Variants in GHITM observed in about 807,000 individuals in gnomAD.
The protein encoded by GHITM is growth hormone inducible transmembrane protein.
GHITM carries 24 observed loss-of-function variants against 38.7 expected under a neutral mutation model. The observed-to-expected ratio is 0.62, with a 90% CI of 0.45 to 0.87. The LOEUF is 0.87. Among genes scored for constraint, GHITM ranks in the 40% least tolerant of loss-of-function variants. The pLI is 0.00. For synonymous variants in GHITM, 154 were observed against 147.8 expected (o/e 1.04, Z -0.30); for missense variants, 420 against 429.8 (o/e 0.98, Z 0.20).
At chr10:84,150,906 T>C (rs777286905) in intron 8 of GHITM, 26 bp downstream of exon 8, 1 of 1,480,794 alleles carries the variant, frequency 6.8e-7, no homozygotes, top group Non-Finnish European at 9.4e-7. Context: ...TATTTAACAC[T>C]GTTACTCTGT....
chr10:84,142,780 C>G (rs1012099930), intron 3 of GHITM, 26 bp downstream of exon 3: 2 of 1,240,972 alleles, frequency 1.6e-6, no homozygotes, highest in Non-Finnish European at 2.4e-6. Flanking sequence ...TAGTTTTTAA[C>G]CTAGAATCTA....
intron 7 of GHITM, among the ~76,000 whole-genome samples, chr10:84,150,452 T>C (rs1312791786): frequency 6.6e-6 from 1 of 152,210 alleles, no homozygotes; most frequent in Non-Finnish European, 1.5e-5. Context: ...ACATCTAAAA[T>C]GGGAAAGTTG....
Position 84,144,948 on chromosome 10 carries a change from G to A in GHITM, c.415G>A (p.Ala139Thr). 1 of 1,611,928 alleles carries A rather than the reference G, an allele frequency of 6.2e-7. No individual in the cohort carries two copies. The highest frequency in any genetic ancestry group is 8.5e-7 in the Non-Finnish European group (1 of 1,178,324). Residue 139 changes from alanine to threonine, a missense_variant, in exon 5 of 9, where the codon GCT becomes ACT. Transcript: ENST00000372134. ...CTTAGCAGGGAGTATTGGTTTAACA[G>A]CTTTGTCTGCCATAGCAATCAGCAG... ...MYLAGSIGLT[A>T]LSAIAISRTP...
At position 84,141,496 on chromosome 10, in the gene GHITM, C is replaced by A. The variant is rs941478832; in HGVS notation, c.-5C>A. The A allele has an allele frequency of 2.5e-6, 4 of 1,613,472 alleles. No individual in the cohort carries two copies. In the Admixed American group the frequency reaches 5.0e-5, roughly 20 times the overall value. On this transcript the variant is annotated 5_prime_UTR_variant, in exon 2 of 9. Transcript: ENST00000372134. ...TCTGCTCGGTAGACCTGGTGCACCA[C>A]CACCATGTTGGCTGCAAGGCTGGTG...
rs758845361 is a variant in GHITM, at chr10:84,150,704, T to C, written c.782-5T>C. 6.4e-7 allele frequency: 1 copy of C among 1,568,354 alleles called. No individual in the cohort carries two copies. The highest frequency in any genetic ancestry group is 8.6e-7 in the Non-Finnish European group (1 of 1,156,214). ...AAAAATCTTGTTTTCGCATTTTGAT[T>C]TCAGGATCTATGTTTCTTCCACCTA... On this transcript the variant is annotated splice_polypyrimidine_tract_variant and splice_region_variant and intron_variant, in intron 7 of 8. Transcript: ENST00000372134.
chr10:84,148,899 T>C, intron 6 of GHITM, 61 bp downstream of exon 6: 1 of 936,160 alleles, frequency 1.1e-6, no homozygotes, highest in Non-Finnish European at 1.8e-6. Context: ...TGGGTGGCTC[T>C]TCACAGTTGT....
chr10:84,152,707 AT>A lies in GHITM; in HGVS notation c.*366del. The stretch of plus-strand genomic sequence containing the variant: ...AAATTTAGCAAACCTGTGTTTGCAT[AT>A]TTTTTTGGAGTGCAGAATATTGTAA... On this transcript the variant is annotated 3_prime_UTR_variant, in exon 9 of 9. Coordinates refer to ENST00000372134, the MANE Select transcript of GHITM (RefSeq NM_014394.3). 1 of 178,298 alleles carries A rather than the reference AT, an allele frequency of 5.6e-6. No individual in the cohort carries two copies. The highest frequency in any genetic ancestry group is 1.2e-5 in the Non-Finnish European group (1 of 85,026). The allele number at this position is 178,298 out of a possible 1,614,324, so 11.0% of individuals were successfully genotyped here.
At position 84,142,643 on chromosome 10, in the gene GHITM, C is replaced by T. The variant is rs759416134; in HGVS notation, c.130-12C>T. 6.3e-7 allele frequency: 1 copy of T among 1,579,918 alleles called. No homozygotes were observed. The highest frequency in any genetic ancestry group is 8.7e-7 in the Non-Finnish European group (1 of 1,150,916). On this transcript the variant is annotated splice_polypyrimidine_tract_variant and intron_variant, in intron 2 of 8. Transcript: ENST00000372134. ...TGTGGGTGGTACGTGTCTTTGTTTGCATGTGTGTCAGGAATATGCCACCAA... is the reference window on the plus strand; with the variant it reads ...TGTGGGTGGTACGTGTCTTTGTTTGTATGTGTGTCAGGAATATGCCACCAA...
intron 5 of GHITM, among the ~76,000 whole-genome samples, 173 bp downstream of exon 5, chr10:84,145,189 A>G (rs537331477): frequency 1.3e-5 from 2 of 152,262 alleles, no homozygotes; most frequent in Non-Finnish European, 2.9e-5. Flanking sequence ...GAAATGCTCC[A>G]AAATCCAAAA....
intron 6 of GHITM, among the ~76,000 whole-genome samples, chr10:84,149,525 A>T (rs914638233): frequency 2.0e-5 from 3 of 152,166 alleles, no homozygotes; most frequent in African/African-American, 7.2e-5. Flanking sequence ...ACCTTTGTTG[A>T]ATTACTGGTA....
intron 5 of GHITM, among the ~76,000 whole-genome samples, chr10:84,145,463 G>A (rs1841548395): frequency 6.6e-6 from 1 of 152,184 alleles, no homozygotes; most frequent in Non-Finnish European, 1.5e-5. Context: ...AATACCAGAG[G>A]AGTTAGAAAT....
intron 8 of GHITM, among the ~76,000 whole-genome samples, chr10:84,151,850 A>G (rs1232318495): frequency 1.3e-5 from 2 of 152,304 alleles, no homozygotes; most frequent in African/African-American, 2.4e-5. Flanking sequence ...GCTGTACTGT[A>G]AAGCTTACAG....
intron 2 of GHITM, among the ~76,000 whole-genome samples, chr10:84,142,236 T>C (rs1214821754): frequency 6.6e-6 from 1 of 152,236 alleles, no homozygotes; most frequent in Non-Finnish European, 1.5e-5. Flanking sequence ...GGAAAGATGC[T>C]GTTCTTGAGT....
chr10:84,142,999 G>T (rs1465000921), intron 3 of GHITM, among the ~76,000 whole-genome samples: 1 of 152,008 alleles, frequency 6.6e-6, no homozygotes, highest in South Asian at 2.1e-4. Flanking sequence ...AATATGCCAT[G>T]GTCCAAAAGG....
At chr10:84,142,949 G>A (rs1235930601) in intron 3 of GHITM, among the ~76,000 whole-genome samples, 195 bp downstream of exon 3, 2 of 152,136 alleles carry the variant, frequency 1.3e-5, no homozygotes, top group East Asian at 3.9e-4. Flanking sequence ...TTCTTCCAGT[G>A]GAAATTTTAC....
chr10:84,141,122 G>A lies in GHITM; in HGVS notation c.-39-340G>A, dbSNP rs565969908. Among the ~76,000 whole-genome samples the A allele has an allele frequency of 1.6e-4, 24 of 152,246 alleles. No individual in the cohort carries two copies. In the East Asian group the frequency reaches 4.4e-3, roughly 28 times the overall value. On this transcript the variant is annotated intron_variant, in intron 1 of 8. Coordinates refer to ENST00000372134, the MANE Select transcript of GHITM (RefSeq NM_014394.3). ...TAAATCTTAAGCCAAAACTACATTT[G>A]TAAAAACCATCACAGACTCTGTAAT...
intron 6 of GHITM, among the ~76,000 whole-genome samples, chr10:84,149,845 T>C (rs546831255): frequency 2.0e-5 from 3 of 152,218 alleles, no homozygotes; most frequent in Non-Finnish European, 4.4e-5. Context: ...TGTGATTGAT[T>C]AGGAATAGTG....
Position 84,141,638 on chromosome 10 carries a change from A to T in GHITM, c.129+9A>T. The T allele has an allele frequency of 6.2e-7, 1 of 1,613,156 alleles. No homozygotes were observed. The highest frequency in any genetic ancestry group is 2.2e-5 in the East Asian group (1 of 44,862). On this transcript the variant is annotated intron_variant, in intron 2 of 8. Coordinates refer to ENST00000372134, the MANE Select transcript of GHITM (RefSeq NM_014394.3). ...TGTTAACACCTAGCAGGGTAAAGAT[A>T]ATCTGAATGTTTTTATATTGCTTCT...
At chr10:84,145,881 A>G (rs1841552266) in intron 5 of GHITM, among the ~76,000 whole-genome samples, 3 of 152,114 alleles carry the variant, frequency 2.0e-5, no homozygotes, top group Admixed American at 2.0e-4. Flanking sequence ...TTGAAGGCTA[A>G]CATGTCTCAT....
Sources: allele counts gnomAD v4.1 joint callset (sites outside exome capture counted in the v4.1 genomes callset), GRCh38; gene constraint gnomAD v4.1.1; transcripts MANE v1.5; gene names NCBI Gene and HGNC (gene_info 2026-07-23, HGNC 2026-07-21).